The following GPC6 variants were observed in gnomAD, a reference collection of about 807,000 sequenced individuals.
GPC6 encodes the protein glypican-6.
GPC6 carries 14 observed loss-of-function variants against 55.2 expected under a neutral mutation model. The observed-to-expected ratio is 0.25, with a 90% CI of 0.17 to 0.40. The LOEUF (loss-of-function observed/expected upper bound fraction) is 0.40. GPC6 is among the 10% of genes least tolerant of loss of function. The pLI is 1.00. For synonymous variants in GPC6, 278 were observed against 259.6 expected, an observed-to-expected ratio of 1.07 and a Z score of -0.68; for missense variants, 641 against 708.5, an observed-to-expected ratio of 0.90 and a Z score of 1.08.
At chr13:93,305,771 G>A (rs1199635624) in intron 1 of GPC6, among the ~76,000 whole-genome samples, 3 of 152,096 alleles carry the variant, frequency 2.0e-5, no homozygotes, top group East Asian at 1.9e-4. Flanking sequence ...ACAGAAAAGC[G>A]ATACAGATTT....
chr13:94,347,241 T>C (rs1432713077), intron 6 of GPC6, among the ~76,000 whole-genome samples: 3 of 151,976 alleles, frequency 2.0e-5, no homozygotes, highest in Non-Finnish European at 1.5e-5. Flanking sequence ...ACCACCCAGA[T>C]CATGTTCTTC....
At chr13:93,630,437 A>C (rs1447045525) in intron 2 of GPC6, among the ~76,000 whole-genome samples, 1 of 152,132 alleles carries the variant, frequency 6.6e-6, no homozygotes, top group Admixed American at 6.5e-5. Context: ...TTCATGGAGG[A>C]CATTGCCAAG....
chr13:93,409,849 T>C (rs567147951), intron 1 of GPC6, among the ~76,000 whole-genome samples: 1 of 152,270 alleles, frequency 6.6e-6, no homozygotes, highest in African/African-American at 2.4e-5. Context: ...TGACATTAAT[T>C]GAAATAAATT....
intron 2 of GPC6, among the ~76,000 whole-genome samples, chr13:93,637,123 G>C (rs1879734246): frequency 6.6e-6 from 1 of 152,074 alleles, no homozygotes; most frequent in Non-Finnish European, 1.5e-5. Flanking sequence ...TAAGCTCAAT[G>C]ATCAATGCTA....
intron 3 of GPC6, among the ~76,000 whole-genome samples, chr13:93,870,145 T>C (rs1566578440): frequency 1.3e-5 from 2 of 151,908 alleles, no homozygotes; most frequent in African/African-American, 2.4e-5. Flanking sequence ...TTATCTCTTC[T>C]TCCTTCTATT....
At chr13:93,271,373 T>G (rs548954252) in intron 1 of GPC6, among the ~76,000 whole-genome samples, 48 of 152,204 alleles carry the variant, frequency 3.2e-4, no homozygotes, top group South Asian at 1.9e-3. Flanking sequence ...AGGTATTGTC[T>G]GGAAAACACT....
chr13:94,082,410 C>T (rs761076312), intron 4 of GPC6, among the ~76,000 whole-genome samples: 6 of 152,168 alleles, frequency 3.9e-5, no homozygotes, highest in Non-Finnish European at 8.8e-5. Context: ...TCTTTCCACT[C>T]TCCCAAACAT....
At chr13:93,447,629 A>G (rs1480895959) in intron 1 of GPC6, among the ~76,000 whole-genome samples, 2 of 152,228 alleles carry the variant, frequency 1.3e-5, no homozygotes, top group Non-Finnish European at 2.9e-5. Flanking sequence ...TAAAATGATC[A>G]TGCAAAACTT....
chr13:94,191,910 A>G (rs1418805973), intron 4 of GPC6, among the ~76,000 whole-genome samples: 1 of 152,198 alleles, frequency 6.6e-6, no homozygotes, highest in African/African-American at 2.4e-5. Context: ...TGGTGTATAG[A>G]GAAGAAGCTT....
At chr13:93,331,486 A>G (rs1247413036) in intron 1 of GPC6, among the ~76,000 whole-genome samples, 2 of 152,206 alleles carry the variant, frequency 1.3e-5, no homozygotes, top group African/African-American at 4.8e-5. Flanking sequence ...TTTACCTGAG[A>G]AATATCAATT....
intron 1 of GPC6, among the ~76,000 whole-genome samples, chr13:93,436,454 A>G (rs2762082): frequency 0.78 from 118,083 of 152,016 alleles, 47,155 homozygotes; most frequent in Non-Finnish European, 0.89. Flanking sequence ...TAACTTTTTT[A>G]TACGGATGGT....
chr13:93,455,651 A>G (rs1878422604), intron 1 of GPC6, among the ~76,000 whole-genome samples: 1 of 152,148 alleles, frequency 6.6e-6, no homozygotes, highest in Non-Finnish European at 1.5e-5. Context: ...CTAAAAAGCC[A>G]TGGGGTGTGG....
chr13:93,411,257 A>G (rs1594150817), intron 1 of GPC6, among the ~76,000 whole-genome samples: 1 of 152,154 alleles, frequency 6.6e-6, no homozygotes, highest in South Asian at 2.1e-4. Context: ...GTGTCTGTTC[A>G]TGACCTGCTT....
At chr13:93,921,370 T>C (rs929819516) in intron 3 of GPC6, among the ~76,000 whole-genome samples, 1 of 152,140 alleles carries the variant, frequency 6.6e-6, no homozygotes, top group African/African-American at 2.4e-5. Context: ...GTTAACCAGC[T>C]CAGTGCCCTC....
intron 1 of GPC6, among the ~76,000 whole-genome samples, chr13:93,430,105 T>C (rs1233733014): frequency 6.6e-6 from 1 of 152,162 alleles, no homozygotes; most frequent in African/African-American, 2.4e-5. Context: ...GAGTGAATTC[T>C]TTTTGGGAAG....
At chr13:94,140,786 A>G (rs1281734949) in intron 4 of GPC6, among the ~76,000 whole-genome samples, 1 of 152,176 alleles carries the variant, frequency 6.6e-6, no homozygotes, top group Non-Finnish European at 1.5e-5. Flanking sequence ...TACCAGGAGC[A>G]ACTTTCATTT....
chr13:93,445,456 A>G (rs2139294363), intron 1 of GPC6, among the ~76,000 whole-genome samples: 1 of 152,312 alleles, frequency 6.6e-6, no homozygotes, highest in South Asian at 2.1e-4. Context: ...CATCTAACTC[A>G]GTTCTGATGT....
intron 1 of GPC6, among the ~76,000 whole-genome samples, chr13:93,516,744 G>A (rs1881212238): frequency 6.6e-6 from 1 of 150,416 alleles, no homozygotes; most frequent in African/African-American, 2.4e-5. Flanking sequence ...AGCAACAGGT[G>A]TATAAGAACA....
intron 2 of GPC6, among the ~76,000 whole-genome samples, chr13:93,608,634 C>T (rs1028042246): frequency 6.6e-6 from 1 of 152,182 alleles, no homozygotes; most frequent in South Asian, 2.1e-4. Context: ...CAACAGTCCT[C>T]AGATGGCATC....
Sources: allele counts gnomAD v4.1 joint callset (sites outside exome capture counted in the v4.1 genomes callset), GRCh38; gene constraint gnomAD v4.1.1; transcripts MANE v1.5; gene names NCBI Gene and HGNC (gene_info 2026-07-23, HGNC 2026-07-21).